Variants in DYNC2I1 observed in about 807,000 individuals in gnomAD.
DYNC2I1 encodes dynein 2 intermediate chain 1.
Under a neutral mutation model 133.4 loss-of-function variants are expected in DYNC2I1, and 89 were observed. That is an observed-to-expected ratio of 0.67 (90% CI 0.56 to 0.80). The LOEUF is 0.80. DYNC2I1 is among the 30% of genes least tolerant of loss of function. DYNC2I1 has a pLI of 0.00. For synonymous variants in DYNC2I1, 504 were observed against 484.3 expected, an observed-to-expected ratio of 1.04 and a Z score of -0.54; for missense variants, 1,291 against 1,314.5, an observed-to-expected ratio of 0.98 and a Z score of 0.28.
chr7:158,871,583 C>T (rs1842882909), intron 3 of DYNC2I1, 21 bp downstream of exon 3: 1 of 1,509,890 alleles, frequency 6.6e-7, no homozygotes, highest in Non-Finnish European at 8.8e-7. Context: ...GCTTGCCTTC[C>T]TGTGGTTCCA....
In DYNC2I1 at chr7:158,902,425, G is replaced by A; in HGVS notation, c.1187G>A (p.Ser396Asn). 6.2e-7 allele frequency: 1 copy of A among 1,613,804 alleles called. No individual in the cohort carries two copies. The highest frequency in any genetic ancestry group is 8.5e-7 in the Non-Finnish European group (1 of 1,179,882). Residue 396 changes from serine (S) to asparagine (N), a missense_variant, in exon 10 of 25, where the codon AGT becomes AAT. Transcript: ENST00000407559. The part of the protein sequence containing the change: ...EVCDGDDDES[S>N]NEPESREKLE... ...TGTGATGGTGATGATGATGAAAGCA[G>A]TAATGAACCTGAGTCAAGAGAAAAA... is the stretch of plus-strand genomic sequence containing the variant.
chr7:158,915,762 T>G (rs146070471), intron 14 of DYNC2I1, among the ~76,000 whole-genome samples: 2,839 of 23,646 alleles, frequency 0.12, 26 homozygotes, highest in Non-Finnish European at 0.13. Flanking sequence ...GTGAAACGTC[T>G]ACACGCTGGT....
chr7:158,857,534 G>GTTTTTTTTTTTTTTTTTTTTTTTTTT, intron 1 of DYNC2I1, among the ~76,000 whole-genome samples: 1 of 131,402 alleles, frequency 7.6e-6, no homozygotes, highest in Admixed American at 7.7e-5. Flanking sequence ...TAAACCTTAG[G>GTTTTTTTTTTTTTTTTTTTTTTTTTT]TTTTTGTTTT....
chr7:158,887,115 A>G (rs763692031), intron 7 of DYNC2I1, 40 bp downstream of exon 7: 23 of 1,578,308 alleles, frequency 1.5e-5, no homozygotes, highest in Admixed American at 1.0e-4. Flanking sequence ...ATTTTATGGT[A>G]CATTGAGATT....
chr7:158,897,920 T>A (rs1291227791), intron 8 of DYNC2I1, among the ~76,000 whole-genome samples: 1 of 152,256 alleles, frequency 6.6e-6, no homozygotes, highest in Non-Finnish European at 1.5e-5. Context: ...TTGTTTGCAT[T>A]CCACAAATTC....
intron 24 of DYNC2I1, among the ~76,000 whole-genome samples, chr7:158,944,613 G>A (rs1268723789): frequency 6.6e-6 from 1 of 152,164 alleles, no homozygotes; most frequent in Non-Finnish European, 1.5e-5. Flanking sequence ...CCCACACTCT[G>A]CCGCCCCACG....
intron 5 of DYNC2I1, among the ~76,000 whole-genome samples, chr7:158,884,226 G>C (rs184897404): frequency 6.6e-6 from 1 of 151,646 alleles, no homozygotes; most frequent in Admixed American, 6.6e-5. Context: ...TGTATTTTTA[G>C]TAGAGACGGG....
chr7:158,857,208 A>T (rs1841347105), intron 1 of DYNC2I1, among the ~76,000 whole-genome samples: 1 of 152,238 alleles, frequency 6.6e-6, no homozygotes, highest in East Asian at 1.9e-4. Flanking sequence ...ATTTACTTGT[A>T]TGACCTTGGC....
chr7:158,933,989 C>T, intron 21 of DYNC2I1, 140 bp from the exon 22 acceptor site: 1 of 616,096 alleles, frequency 1.6e-6, no homozygotes, highest in South Asian at 2.2e-5. Context: ...AAAATAGAAA[C>T]AGAGTGGCTA....
chr7:158,921,561 AGTG>A (rs1327480447), intron 15 of DYNC2I1, among the ~76,000 whole-genome samples: 1 of 152,148 alleles, frequency 6.6e-6, no homozygotes, highest in African/African-American at 2.4e-5. Flanking sequence ...TGCTGGTGGA[AGTG>A]GCCCCAGAAG....
chr7:158,922,529 G>T lies in DYNC2I1; in HGVS notation c.2074G>T (p.Val692Phe), dbSNP rs772097954. 1 of 1,613,686 alleles carries T rather than the reference G, an allele frequency of 6.2e-7. No individual in the cohort carries two copies. Among genetic ancestry groups the T allele is most frequent in the Non-Finnish European group, 8.5e-7 (1 of 1,179,840 alleles). The change falls in exon 16 of 25, where the codon GTT becomes TTT. Residue 692 changes from valine (V) to phenylalanine (F), a missense_variant. Val to Phe is a conservative substitution (Grantham distance 50). Transcript: ENST00000407559. ...TTGGCAGCCTTCAGGGCCACAGAAA[G>T]TTCTGATATGTGAGTCCCAGGTACA... ...DIWQPSGPQK[V>F]LICESQVTCC...
At chr7:158,891,938 C>T (rs1377723544) in intron 8 of DYNC2I1, among the ~76,000 whole-genome samples, 2 of 136,606 alleles carry the variant, frequency 1.5e-5, no homozygotes, top group Non-Finnish European at 3.3e-5. Flanking sequence ...GGAAGAATTG[C>T]GGACGGGGCC....
At chr7:158,878,934 GGGAGGCGA>G (rs1843703713) in intron 4 of DYNC2I1, among the ~76,000 whole-genome samples, 1 of 145,186 alleles carries the variant, frequency 6.9e-6, no homozygotes, top group Non-Finnish European at 1.5e-5. Flanking sequence ...GTGCCATGTG[GGGAGGCGA>G]GGAGGGGAGG....
At position 158,899,608 on chromosome 7, in the gene DYNC2I1, A is replaced by AG. The variant is rs58546213; in HGVS notation, c.1060-2128dup. 1.8e-3 allele frequency among the ~76,000 whole-genome samples: 274 copies of AG among 152,228 alleles called. 1 individual carries two copies. The highest frequency in any genetic ancestry group is 2.9e-3 in the Non-Finnish European group (195 of 68,004). The stretch of plus-strand genomic sequence containing the variant: ...TCCCAGAATTCCCACATGTTGTGGG[A>AG]GGGACCCAGGGGGAGGTAATTGAAT... On this transcript the variant is annotated intron_variant, in intron 8 of 24. Coordinates refer to ENST00000407559, the MANE Select transcript of DYNC2I1 (RefSeq NM_018051.5).
chr7:158,868,793 G>A (rs924337995), intron 1 of DYNC2I1, among the ~76,000 whole-genome samples: 1 of 152,254 alleles, frequency 6.6e-6, no homozygotes, highest in African/African-American at 2.4e-5. Context: ...GGACTCTAGA[G>A]CTGAAAGCTG....
chr7:158,866,444 T>G (rs1842414041), intron 1 of DYNC2I1, among the ~76,000 whole-genome samples: 1 of 151,978 alleles, frequency 6.6e-6, no homozygotes, highest in South Asian at 2.1e-4. Context: ...GTCCCCTCTC[T>G]GTGGTACCCT....
intron 21 of DYNC2I1, among the ~76,000 whole-genome samples, 163 bp from the exon 22 acceptor site, chr7:158,933,966 G>A (rs1370110107): frequency 6.6e-6 from 1 of 152,214 alleles, no homozygotes. Flanking sequence ...TATCAAGAGT[G>A]TAGTAGCAGA....
chr7:158,900,324 G>A (rs1404244883), intron 8 of DYNC2I1, among the ~76,000 whole-genome samples: 1 of 152,012 alleles, frequency 6.6e-6, no homozygotes, highest in Non-Finnish European at 1.5e-5. Flanking sequence ...GTTTCACCAT[G>A]TTAGTCAGGC....
intron 1 of DYNC2I1, among the ~76,000 whole-genome samples, chr7:158,862,667 C>T (rs75953036): frequency 0.022 from 3,408 of 151,802 alleles, 60 homozygotes; most frequent in Admixed American, 0.053. Context: ...CTGTAGTGAG[C>T]TATGATAGCA....
Sources: allele counts gnomAD v4.1 joint callset (sites outside exome capture counted in the v4.1 genomes callset), GRCh38; gene constraint gnomAD v4.1.1; transcripts MANE v1.5; gene names NCBI Gene and HGNC (gene_info 2026-07-23, HGNC 2026-07-21).